The following CYP2F1 variants were observed in gnomAD, a reference collection of about 807,000 sequenced individuals.
The protein encoded by CYP2F1 is cytochrome P450 2F1.
A neutral mutation model predicts 40.4 loss-of-function variants in CYP2F1; 33 were observed. The observed-to-expected ratio is 0.82, with a 90% CI of 0.62 to 1.09. CYP2F1 has a LOEUF of 1.09. CYP2F1 is among the 50% of genes least tolerant of loss of function. The probability of loss-of-function intolerance (pLI) is 0.00; values close to 1 mark genes in which losing one functional copy is unlikely to be tolerated. For synonymous variants in CYP2F1, 235 were observed against 277.2 expected (o/e 0.85, Z 1.51); for missense variants, 566 against 655.7 (o/e 0.86, Z 1.49).
At chr19:41,126,632 T>C (rs35197828) in intron 9 of CYP2F1, among the ~76,000 whole-genome samples, 26,259 of 151,626 alleles carry the variant, frequency 0.17, 2,339 homozygotes, top group South Asian at 0.21. Context: ...TGTGCATCTG[T>C]GGTCCCAGCT....
intron 5 of CYP2F1, 137 bp from the exon 6 acceptor site, chr19:41,121,820 C>T (rs1306279231): frequency 1.9e-6 from 2 of 1,063,270 alleles, no homozygotes; most frequent in South Asian, 1.6e-5. Flanking sequence ...TCCCACTCCC[C>T]CTCAGCCCCA....
chr19:41,114,812 G>A (rs1218046623), intron 1 of CYP2F1, among the ~76,000 whole-genome samples: 1 of 17,608 alleles, frequency 5.7e-5, no homozygotes, highest in African/African-American at 1.6e-4. Context: ...TTTTTTTTTT[G>A]AGGCTGGAGT....
intron 1 of CYP2F1, among the ~76,000 whole-genome samples, chr19:41,115,588 GTAGA>G (rs1470231246): frequency 2.0e-5 from 3 of 152,094 alleles, no homozygotes; most frequent in Non-Finnish European, 4.4e-5. Context: ...TATGAAGATA[GTAGA>G]TAGATGATAG....
Position 41,121,546 on chromosome 19 carries a change from T to A in CYP2F1, c.573T>A (p.Asp191Glu), listed in dbSNP as rs778384820. 2.5e-6 allele frequency: 4 copies of A among 1,609,888 alleles called. 1 individual carries two copies. In the East Asian group the frequency reaches 9.0e-5, roughly 36 times the overall value. ...SVLFGSRFDYDDERLLTIIRL... is the reference protein window; with the variant it reads ...SVLFGSRFDYEDERLLTIIRL... Reference sequence around the variant, plus strand: ...TCTTCGGCAGCCGCTTCGACTATGATGATGAGCGTCTGCTCACCATTATCC... The same window carrying A: ...TCTTCGGCAGCCGCTTCGACTATGAAGATGAGCGTCTGCTCACCATTATCC... The change falls in exon 5 of 10, where the codon GAT becomes GAA. Residue 191 changes from aspartate (D) to glutamate (E), a missense_variant. Coordinates refer to ENST00000331105, the MANE Select transcript of CYP2F1 (RefSeq NM_000774.5).
At chr19:41,126,466 C>T (rs1215358550) in intron 9 of CYP2F1, among the ~76,000 whole-genome samples, 2 of 150,714 alleles carry the variant, frequency 1.3e-5, no homozygotes, top group Non-Finnish European at 3.0e-5. Flanking sequence ...TATTATTTAA[C>T]TTGGGCCAGG....
Position 41,116,738 on chromosome 19 carries a change from C to T in CYP2F1, c.334+121C>T, listed in dbSNP as rs2144746102. ...AGGGCTGCTGACATCACTGATGACACCAAATGCAATGCAGCGAGGCAGTGT... is the reference window on the plus strand; with the variant it reads ...AGGGCTGCTGACATCACTGATGACATCAAATGCAATGCAGCGAGGCAGTGT... On this transcript the variant is annotated intron_variant, in intron 3 of 9. Coordinates refer to ENST00000331105, the MANE Select transcript of CYP2F1 (RefSeq NM_000774.5). The T allele has an allele frequency of 9.7e-6, 11 of 1,133,940 alleles. No individual in the cohort carries two copies. In the South Asian group the frequency reaches 1.5e-4, roughly 16 times the overall value. The allele number at this position is 1,133,940 out of a possible 1,614,324, so 70.2% of individuals were successfully genotyped here. A position where few individuals can be genotyped will look rare whatever the true frequency, so the allele number is the denominator to read the frequency against.
intron 4 of CYP2F1, 131 bp from the exon 5 acceptor site, chr19:41,121,327 T>C: frequency 2.2e-6 from 2 of 917,510 alleles, no homozygotes; most frequent in Non-Finnish European, 1.7e-6. Flanking sequence ...TGTGACCATG[T>C]CCCCGTGTTT....
At chr19:41,125,376 C>T in intron 8 of CYP2F1, 117 bp from the exon 9 acceptor site, 1 of 614,718 alleles carries the variant, frequency 1.6e-6, no homozygotes. Flanking sequence ...GAGTCCTATA[C>T]CCACCTATAC....
At chr19:41,125,361 C>T (rs1039463521) in intron 8 of CYP2F1, 132 bp from the exon 9 acceptor site, 50 of 600,142 alleles carry the variant, frequency 8.3e-5, no homozygotes, top group Non-Finnish European at 1.2e-4. Flanking sequence ...CCTTGGCCCC[C>T]GATTGAGTCC....
At chr19:41,115,221 C>A (rs988690297) in intron 1 of CYP2F1, among the ~76,000 whole-genome samples, 7 of 151,914 alleles carry the variant, frequency 4.6e-5, no homozygotes, top group African/African-American at 1.5e-4. Flanking sequence ...TTCTCGTCTC[C>A]CTCAGTCTCT....
Position 41,121,605 on chromosome 19 carries a change from G to C in CYP2F1, c.632G>C (p.Ser211Thr). ...AATGACAACTTCCAAATCATGAGCA[G>C]CCCCTGGGGCGAGGTCAGCCAACTG... ...LINDNFQIMS[S>T]PWGELYDIFP... The change falls in exon 5 of 10, where the codon AGC becomes ACC. Residue 211 changes from serine to threonine, a missense_variant. Coordinates refer to ENST00000331105, the MANE Select transcript of CYP2F1 (RefSeq NM_000774.5). 5.0e-6 allele frequency: 8 copies of C among 1,609,962 alleles called. No individual in the cohort carries two copies. The highest frequency in any genetic ancestry group is 6.8e-6 in the Non-Finnish European group (8 of 1,179,636).
chr19:41,116,622 G>C lies in CYP2F1; in HGVS notation c.334+5G>C. The C allele has an allele frequency of 6.2e-7, 1 of 1,613,700 alleles. No individual in the cohort carries two copies. Among genetic ancestry groups the C allele is most frequent in the Non-Finnish European group, 8.5e-7 (1 of 1,179,850 alleles). On this transcript the variant is annotated splice_donor_5th_base_variant and intron_variant, in intron 3 of 9. Transcript: ENST00000331105. ...TCAACTTTACCAAGGGCAATGGTAA[G>C]CCTCGTCCTTGTCTCCTCCGCTCTC... is the stretch of plus-strand genomic sequence containing the variant.
chr19:41,126,437 AAAT>A (rs2032550343), intron 9 of CYP2F1, among the ~76,000 whole-genome samples: 2 of 151,474 alleles, frequency 1.3e-5, no homozygotes, highest in Middle Eastern at 3.4e-3. Flanking sequence ...AAAAATGAAT[AAAT>A]AATAATTATA....
chr19:41,115,938 C>T (rs1010272155), intron 1 of CYP2F1, among the ~76,000 whole-genome samples: 2 of 151,900 alleles, frequency 1.3e-5, no homozygotes, highest in Non-Finnish European at 2.9e-5. Flanking sequence ...AGTCTCTGTT[C>T]CTCTATCACT....
At position 41,125,624 on chromosome 19, in the gene CYP2F1, C is replaced by T. The variant is rs1440845188; in HGVS notation, c.1284C>T (p.Pro428=). 10 of 1,613,348 alleles carry T rather than the reference C, an allele frequency of 6.2e-6. No homozygotes were observed. The highest frequency in any genetic ancestry group is 8.5e-6 in the Non-Finnish European group (10 of 1,179,790). The part of the protein sequence containing the change: ...QSFKKSPAFM[P]FSAGRRLCLG... ...TCAAGAAGAGTCCAGCCTTCATGCCCTTCTCAGCTGGTGAGGGCAGGAATC... is the reference window on the plus strand; with the variant it reads ...TCAAGAAGAGTCCAGCCTTCATGCCTTTCTCAGCTGGTGAGGGCAGGAATC... Residue 428 remains proline, a synonymous_variant, in exon 9 of 10, where the codon CCC becomes CCT. Coordinates refer to ENST00000331105, the MANE Select transcript of CYP2F1 (RefSeq NM_000774.5).
In CYP2F1 at chr19:41,120,322, G is replaced by T. The variant is rs749640319; in HGVS notation, c.335-25G>T. 2.2e-5 allele frequency: 35 copies of T among 1,568,020 alleles called. No individual in the cohort carries two copies. The Admixed American group carries it at 7.2e-4, about 32-fold the overall frequency. ...GGCCTCAGGATGAGTTCCCGGTTAA[G>T]CTGGTCCCCTCCTCTTCTCCCCAGG... is the stretch of plus-strand genomic sequence containing the variant. On this transcript the variant is annotated intron_variant, in intron 3 of 9. Transcript: ENST00000331105.
chr19:41,120,900 A>G (rs2032158321), intron 4 of CYP2F1, among the ~76,000 whole-genome samples: 1 of 151,348 alleles, frequency 6.6e-6, no homozygotes. Flanking sequence ...AGCTCATTGC[A>G]ACCTCCGCCT....
intron 5 of CYP2F1, 148 bp downstream of exon 5, chr19:41,121,766 G>C (rs2032221854): frequency 2.9e-6 from 2 of 696,064 alleles, no homozygotes; most frequent in East Asian, 5.1e-5. Flanking sequence ...ACACGGCCAC[G>C]CCCACTCCCC....
chr19:41,124,830 T>C lies in CYP2F1; in HGVS notation c.1076T>C (p.Phe359Ser). The C allele has an allele frequency of 6.2e-7, 1 of 1,611,940 alleles. No individual in the cohort carries two copies. Among genetic ancestry groups the C allele is most frequent in the Non-Finnish European group, 8.5e-7 (1 of 1,179,860 alleles). The stretch of plus-strand genomic sequence containing the variant: ...GCGGTGATCCACGAGGTGCAGCGCT[T>C]TGCAGACATCATCCCCATGAACTTG... The part of the protein sequence containing the change: ...TDAVIHEVQR[F>S]ADIIPMNLPH... The change falls in exon 8 of 10, where the codon TTT becomes TCT. Residue 359 changes from phenylalanine to serine, a missense_variant. This residue lies in a region of CYP2F1 where 128 missense variants were observed against 121.0 expected (regional missense o/e 1.06). Transcript: ENST00000331105.
Sources: allele counts gnomAD v4.1 joint callset (sites outside exome capture counted in the v4.1 genomes callset), GRCh38; gene constraint gnomAD v4.1.1; regional missense constraint gnomAD v4.1.1; transcripts MANE v1.5; gene names NCBI Gene and HGNC (gene_info 2026-07-23, HGNC 2026-07-21).